DIAPH2: variants seen among roughly 807,000 people sequenced by gnomAD.
The protein encoded by DIAPH2 is protein diaphanous homolog 2.
Under a neutral mutation model 92.7 loss-of-function variants are expected in DIAPH2, and 35 were observed. The ratio of observed to expected loss-of-function variants is 0.38; its 90% CI spans 0.29 to 0.50. The LOEUF is 0.50. Ranked by LOEUF, DIAPH2 falls within the 20% of genes least tolerant of loss-of-function variation. The pLI is 0.94. For missense variants in DIAPH2, 701 were observed against 819.5 expected, an observed-to-expected ratio of 0.86 and a Z score of 1.77; for synonymous variants, 301 against 280.4, an observed-to-expected ratio of 1.07 and a Z score of -0.73.
chrX:96,962,406 CAT>C (rs199802804), intron 16 of DIAPH2, among the ~76,000 whole-genome samples: 2,810 of 53,167 alleles, frequency 0.053, 282 homozygotes, highest in African/African-American at 0.15. Flanking sequence ...TATATATACA[CAT>C]ATATATATAC....
At chrX:97,536,858 T>C (rs1305436586) in intron 26 of DIAPH2, among the ~76,000 whole-genome samples, 1 of 111,973 alleles carries the variant, frequency 8.9e-6, no homozygotes, top group South Asian at 3.7e-4. Context: ...AAAATACATT[T>C]CTTTACTGCT....
intron 12 of DIAPH2, among the ~76,000 whole-genome samples, chrX:96,941,656 A>C (rs745998819): frequency 1.0e-3 from 114 of 111,556 alleles, no homozygotes; most frequent in African/African-American, 3.4e-3. Context: ...GGATGCGTAG[A>C]ACCATTTCTG....
At chrX:97,576,611 T>C (rs1483236170) in intron 26 of DIAPH2, among the ~76,000 whole-genome samples, 2 of 111,406 alleles carry the variant, frequency 1.8e-5, no homozygotes, top group Non-Finnish European at 3.8e-5. Flanking sequence ...GAATGTGATA[T>C]TGATTCAGGA....
intron 19 of DIAPH2, among the ~76,000 whole-genome samples, chrX:97,096,851 T>C (rs893185584): frequency 9.0e-6 from 1 of 111,182 alleles, no homozygotes; most frequent in Non-Finnish European, 1.9e-5. Context: ...CTTTCCAAAT[T>C]GCAGGTTTTC....
chrX:97,283,652 T>C (rs1346355738), intron 23 of DIAPH2, among the ~76,000 whole-genome samples: 1 of 112,869 alleles, frequency 8.9e-6, no homozygotes, highest in Non-Finnish European at 1.9e-5. Flanking sequence ...ATTTAAAATA[T>C]TTAACAACTG....
At chrX:97,343,406 C>T (rs1279012450) in intron 23 of DIAPH2, among the ~76,000 whole-genome samples, 3 of 111,911 alleles carry the variant, frequency 2.7e-5, no homozygotes, top group Middle Eastern at 4.2e-3. Context: ...TGGTGGCTCA[C>T]GCCTGTAATC....
chrX:97,030,675 G>A (rs1170042309), intron 17 of DIAPH2, among the ~76,000 whole-genome samples: 1 of 111,508 alleles, frequency 9.0e-6, no homozygotes, highest in Non-Finnish European at 1.9e-5. Flanking sequence ...TGTTTCCCAT[G>A]TGTGTTTCAA....
chrX:97,237,405 C>T (rs964200954), intron 22 of DIAPH2, among the ~76,000 whole-genome samples: 1 of 109,088 alleles, frequency 9.2e-6, no homozygotes, highest in Non-Finnish European at 1.9e-5. Flanking sequence ...TAGAAGAATG[C>T]CATTCCAGCC....
chrX:96,865,399 T>C (rs1161104383), intron 4 of DIAPH2, among the ~76,000 whole-genome samples: 1 of 112,015 alleles, frequency 8.9e-6, no homozygotes, highest in East Asian at 2.8e-4. Context: ...AGAGGGGATA[T>C]TTGAATGATG....
intron 4 of DIAPH2, among the ~76,000 whole-genome samples, chrX:96,827,179 A>G (rs2064821378): frequency 8.9e-6 from 1 of 112,360 alleles, no homozygotes; most frequent in Non-Finnish European, 1.9e-5. Flanking sequence ...ACATTCTTAG[A>G]AAACTTAGTA....
intron 22 of DIAPH2, among the ~76,000 whole-genome samples, chrX:97,173,953 A>C (rs956580575): frequency 9.3e-6 from 1 of 107,489 alleles, no homozygotes; most frequent in Non-Finnish European, 1.9e-5. Flanking sequence ...AATAGTATCT[A>C]ATGGTATCTA....
chrX:96,758,065 G>A (rs1304639652), intron 3 of DIAPH2, 89 bp from the exon 4 acceptor site: 12 of 782,083 alleles, frequency 1.5e-5, no homozygotes, highest in Non-Finnish European at 1.8e-5. Context: ...AGTATTTTAA[G>A]ACATAGAAAT....
chrX:97,018,576 G>A (rs1240821571), intron 17 of DIAPH2, among the ~76,000 whole-genome samples: 3 of 111,769 alleles, frequency 2.7e-5, no homozygotes, highest in Admixed American at 9.5e-5. Context: ...AGCCATTCAC[G>A]AATGACTAGT....
At chrX:97,095,540 A>G (rs1015178859) in intron 19 of DIAPH2, among the ~76,000 whole-genome samples, 3 of 109,251 alleles carry the variant, frequency 2.7e-5, no homozygotes, top group Non-Finnish European at 3.8e-5. Flanking sequence ...ATTAGCCCCA[A>G]TCCGTTTATG....
chrX:97,472,947 C>T (rs1236545391), intron 26 of DIAPH2, among the ~76,000 whole-genome samples: 1 of 111,938 alleles, frequency 8.9e-6, no homozygotes, highest in Admixed American at 9.5e-5. Context: ...TATGTTATTT[C>T]TCTCAACTGG....
chrX:97,567,850 A>AT (rs2071337639), intron 26 of DIAPH2, among the ~76,000 whole-genome samples: 3 of 110,905 alleles, frequency 2.7e-5, no homozygotes, highest in Admixed American at 1.9e-4. Flanking sequence ...TTGCTATAAA[A>AT]TTTATTTATA....
chrX:97,458,353 C>A (rs2070428151), intron 26 of DIAPH2, among the ~76,000 whole-genome samples: 3 of 102,733 alleles, frequency 2.9e-5, no homozygotes, highest in African/African-American at 1.1e-4. Context: ...ATTCTCTCAC[C>A]TTGACCTCCC....
Position 97,388,376 on chromosome X carries a change from G to A in DIAPH2, c.3145+4332G>A, listed in dbSNP as rs1602555189. 2.7e-5 allele frequency among the ~76,000 whole-genome samples: 3 copies of A among 111,452 alleles called. No homozygotes were observed. The Middle Eastern group carries it at 0.014, about 516-fold the overall frequency. ...ACTTTATTTTATTTCTTTAGAGATG[G>A]AGTCTCACTCTGTCACCCAGGCTGG... is the stretch of plus-strand genomic sequence containing the variant. On this transcript the variant is annotated intron_variant, in intron 25 of 26. Transcript: ENST00000324765.
chrX:97,499,201 T>C, intron 26 of DIAPH2, among the ~76,000 whole-genome samples: 1 of 112,409 alleles, frequency 8.9e-6, no homozygotes. Flanking sequence ...TTCAGTTGTG[T>C]CTCTTATCTT....
Sources: gnomAD v4.1 joint callset for allele counts (sites outside exome capture counted in the v4.1 genomes callset) on GRCh38, gnomAD v4.1.1 for gene constraint, MANE v1.5 for transcripts, NCBI Gene and HGNC (gene_info 2026-07-23, HGNC 2026-07-21) for gene names.